PCDHGA5: variants seen among roughly 807,000 people sequenced by gnomAD.
The protein encoded by PCDHGA5 is protocadherin gamma subfamily A, 5, also known as protocadherin gamma-A5.
PCDHGA5 carries 36 observed loss-of-function variants against 56.7 expected under a neutral mutation model. The ratio of observed to expected loss-of-function variants is 0.64; its 90% confidence interval spans 0.49 to 0.84. The LOEUF (loss-of-function observed/expected upper bound fraction) is 0.84, where lower values mean the gene tolerates loss of function less well. PCDHGA5 is among the 40% of genes least tolerant of loss of function. The probability of loss-of-function intolerance (pLI) is 0.00; values close to 1 mark genes in which losing one functional copy is unlikely to be tolerated. For synonymous variants in PCDHGA5, 563 were observed against 520.2 expected, an observed-to-expected ratio of 1.08 and a Z score of -1.12; for missense variants, 1,305 against 1,201.5, an observed-to-expected ratio of 1.09 and a Z score of -1.27.
chr5:141,432,014 A>G lies in PCDHGA5; in HGVS notation c.2422-62793A>G, dbSNP rs778393699. The G allele has an allele frequency of 1.5e-5, 25 of 1,614,078 alleles. No individual in the cohort carries two copies. The highest frequency in any genetic ancestry group is 2.0e-5 in the Non-Finnish European group (24 of 1,180,036). ...GGATAGGGAACAGGTTCCTAGCTAC[A>G]ACATCACAGTGACCGCCACTGACCG... On this transcript the variant is annotated intron_variant, in intron 1 of 3. Coordinates refer to ENST00000518069, the MANE Select transcript of PCDHGA5 (RefSeq NM_018918.3). This position sits in a 1 kb window ranked among gnomAD's most constrained non-coding sequence, Gnocchi z 6.0.
At chr5:141,464,816 G>A (rs11167751) in intron 1 of PCDHGA5, among the ~76,000 whole-genome samples, 42,470 of 151,904 alleles carry the variant, frequency 0.28, 6,668 homozygotes, top group African/African-American at 0.43. Context: ...ATAGCTCACT[G>A]TAGCCTCGCA....
Position 141,483,506 on chromosome 5 carries a change from T to A in PCDHGA5, c.2422-11301T>A, listed in dbSNP as rs964063329. ...AGGGACAGGGATGAGTCAAGGCTGA[T>A]CCCCCTAGATCCTGACTAAGGAAGC... On this transcript the variant is annotated intron_variant, in intron 1 of 3. Coordinates refer to ENST00000518069, the MANE Select transcript of PCDHGA5 (RefSeq NM_018918.3). Among the ~76,000 whole-genome samples the A allele has an allele frequency of 2.7e-5, 4 of 148,396 alleles. No individual in the cohort carries two copies. In the South Asian group the frequency reaches 8.5e-4, roughly 32 times the overall value.
At position 141,493,904 on chromosome 5, in the gene PCDHGA5, G is replaced by A. The variant is rs1204744465; in HGVS notation, c.2422-903G>A. Among the ~76,000 whole-genome samples, 1 of 152,216 alleles carries A rather than the reference G, an allele frequency of 6.6e-6. No individual in the cohort carries two copies. Among genetic ancestry groups the A allele is most frequent in the Non-Finnish European group, 1.5e-5 (1 of 68,028 alleles). On this transcript the variant is annotated intron_variant, in intron 1 of 3. Transcript: ENST00000518069. The surrounding 1 kb of genome is among the most constrained non-coding windows in gnomAD (Gnocchi z 4.3). ...GGCTCTAGGAGTGCTCCATGAGAGT[G>A]TGTGATGGGATAACACACCCCCTGG...
rs556217163 is a variant in PCDHGA5, at chr5:141,433,697, C to T, written c.2422-61110C>T. Among the ~76,000 whole-genome samples the T allele has an allele frequency of 6.0e-4, 91 of 152,138 alleles. 1 individual carries two copies. Among genetic ancestry groups the T allele is most frequent in the African/African-American group, 2.0e-3 (85 of 41,536 alleles). ...CTAAAAAAATACAAAATTAGCCGGGCGTGGTGGTGCATGTCTGTAATCCCA... is the reference window on the plus strand; with the variant it reads ...CTAAAAAAATACAAAATTAGCCGGGTGTGGTGGTGCATGTCTGTAATCCCA... On this transcript the variant is annotated intron_variant, in intron 1 of 3. Coordinates refer to ENST00000518069, the MANE Select transcript of PCDHGA5 (RefSeq NM_018918.3).
At chr5:141,399,979 C>A (rs1402446986) in intron 1 of PCDHGA5, 5 of 1,612,154 alleles carry the variant, frequency 3.1e-6, no homozygotes, top group Non-Finnish European at 4.2e-6. Context: ...CCTGGGGCTG[C>A]GCACAGGAGA....
intron 1 of PCDHGA5, among the ~76,000 whole-genome samples, chr5:141,401,064 C>T (rs146303449): frequency 1.3e-5 from 2 of 152,226 alleles, no homozygotes; most frequent in East Asian, 3.9e-4. Flanking sequence ...TATATGTTGG[C>T]TGGGTGCAGT....
At chr5:141,371,925 A>G in intron 1 of PCDHGA5, 3 of 1,613,324 alleles carry the variant, frequency 1.9e-6, no homozygotes, top group East Asian at 4.5e-5. Flanking sequence ...GAGCGCGCGG[A>G]GCGGGGTGGT....
In PCDHGA5 at chr5:141,455,253, C is replaced by A. The variant is rs187877877; in HGVS notation, c.2422-39554C>A. 2.8e-3 allele frequency among the ~76,000 whole-genome samples: 433 copies of A among 151,986 alleles called. 1 individual carries two copies. Among genetic ancestry groups the A allele is most frequent in the Admixed American group, 0.021 (319 of 15,266 alleles). ...AAAATGTTAAAGGTCATAGTACAAT[C>A]GCATTTCTTCCCATTGATTATTAAC... is the stretch of plus-strand genomic sequence containing the variant. On this transcript the variant is annotated intron_variant, in intron 1 of 3. Coordinates refer to ENST00000518069, the MANE Select transcript of PCDHGA5 (RefSeq NM_018918.3).
At chr5:141,435,214 A>T (rs1314928643) in intron 1 of PCDHGA5, among the ~76,000 whole-genome samples, 1 of 152,176 alleles carries the variant, frequency 6.6e-6, no homozygotes, top group Non-Finnish European at 1.5e-5. Context: ...AAGTGAATTT[A>T]CTTTCTTTCA....
intron 1 of PCDHGA5, among the ~76,000 whole-genome samples, chr5:141,373,529 AG>A (rs1769656388): frequency 6.6e-6 from 1 of 152,196 alleles, no homozygotes; most frequent in African/African-American, 2.4e-5. Context: ...TCTCCAAAAA[AG>A]TGTTTGTGGT....
chr5:141,439,416 G>T (rs1169961917), intron 1 of PCDHGA5, among the ~76,000 whole-genome samples: 3 of 152,156 alleles, frequency 2.0e-5, no homozygotes, highest in African/African-American at 7.2e-5. Flanking sequence ...CATCACTGAG[G>T]TTATAAATTC....
At chr5:141,454,953 G>A (rs1304192945) in intron 1 of PCDHGA5, among the ~76,000 whole-genome samples, 4 of 150,686 alleles carry the variant, frequency 2.7e-5, no homozygotes, top group Admixed American at 6.6e-5. Context: ...GACTACAGGC[G>A]CCGGCCACCA....
At chr5:141,419,094 G>C in intron 1 of PCDHGA5, 2 of 1,613,894 alleles carry the variant, frequency 1.2e-6, no homozygotes, top group Non-Finnish European at 1.7e-6. Context: ...GCCCTGGATC[G>C]GGAGCAGACC....
chr5:141,469,517 G>A (rs1416478511), intron 1 of PCDHGA5, among the ~76,000 whole-genome samples: 1 of 152,198 alleles, frequency 6.6e-6, no homozygotes, highest in Non-Finnish European at 1.5e-5. Flanking sequence ...GGAGGTTGCA[G>A]TGAGCCAAGA....
chr5:141,478,155 G>A (rs138384601), intron 1 of PCDHGA5: 1 of 1,613,992 alleles, frequency 6.2e-7, no homozygotes, highest in Non-Finnish European at 8.5e-7. Context: ...TTCCCCTCTG[G>A]CTCTGCCCCC....
intron 1 of PCDHGA5, chr5:141,392,710 C>T: frequency 7.4e-7 from 1 of 1,345,380 alleles, no homozygotes; most frequent in Non-Finnish European, 9.8e-7. Flanking sequence ...TGGAGGCACT[C>T]CAGGTTTCCG....
chr5:141,366,286 C>G lies in PCDHGA5; in HGVS notation c.1956C>G (p.Pro652=). ...TGGCCGTCGAAGACCATGGCCAGCC[C>G]CCTCTGTCAGCCACCTTCACGGTCA... ...LVVAVEDHGQ[P]PLSATFTVTV... Residue 652 remains proline (P), a synonymous_variant, in exon 1 of 4, where the codon CCC becomes CCG. Transcript: ENST00000518069. 6.2e-7 allele frequency: 1 copy of G among 1,613,720 alleles called. No individual in the cohort carries two copies. The highest frequency in any genetic ancestry group is 1.1e-5 in the South Asian group (1 of 91,090).
At chr5:141,453,652 T>C (rs1302902554) in intron 1 of PCDHGA5, among the ~76,000 whole-genome samples, 1 of 152,252 alleles carries the variant, frequency 6.6e-6, no homozygotes, top group Non-Finnish European at 1.5e-5. Context: ...TTATGTCCTC[T>C]TCTTTCTTAC....
intron 1 of PCDHGA5, among the ~76,000 whole-genome samples, chr5:141,406,812 T>G (rs528041804): frequency 6.6e-6 from 1 of 152,350 alleles, no homozygotes; most frequent in East Asian, 1.9e-4. Context: ...CTCCAACTTT[T>G]GAGTCTAGAA....
Sources: allele counts gnomAD v4.1 joint callset (sites outside exome capture counted in the v4.1 genomes callset), GRCh38; gene constraint gnomAD v4.1.1; non-coding constraint Gnocchi (gnomAD v3.1); transcripts MANE v1.5; gene names NCBI Gene and HGNC (gene_info 2026-07-23, HGNC 2026-07-21).